The following CLUH variants were observed in gnomAD, a reference collection of about 807,000 sequenced individuals.
CLUH encodes the protein clustered mitochondria protein homolog.
Under a neutral mutation model 139.3 loss-of-function variants are expected in CLUH, and 77 were observed. That is an observed-to-expected ratio of 0.55 (90% CI 0.46 to 0.67). The LOEUF is 0.67. Ranked by LOEUF, CLUH falls within the 30% of genes least tolerant of loss-of-function variation. The pLI is 0.00. For synonymous variants in CLUH, 999 were observed against 801.6 expected (o/e 1.25, Z -4.16); for missense variants, 1,876 against 1,875.8 (o/e 1.00, Z 0.00).
At chr17:2,705,282 C>T (rs1311416108) in intron 1 of CLUH, among the ~76,000 whole-genome samples, 2 of 152,182 alleles carry the variant, frequency 1.3e-5, no homozygotes, top group African/African-American at 4.8e-5. Context: ...CCGGCCTCTG[C>T]AGCCACTGCC....
At chr17:2,708,611 A>G (rs896215753) in intron 1 of CLUH, among the ~76,000 whole-genome samples, 1 of 151,938 alleles carries the variant, frequency 6.6e-6, no homozygotes, top group African/African-American at 2.4e-5. Flanking sequence ...ATTTGGGATT[A>G]AGTTTAAAAA....
At position 2,691,938 on chromosome 17, in the gene CLUH, CGG is replaced by C. The variant is rs1491542541; in HGVS notation, c.3655-45_3655-44del. 3.7e-4 allele frequency: 399 copies of C among 1,066,020 alleles called. 9 individuals carry two copies. Among genetic ancestry groups the C allele is most frequent in the South Asian group, 1.3e-3 (50 of 37,668 alleles). The allele number at this position is 1,066,020 out of a possible 1,614,324, so 66.0% of individuals were successfully genotyped here. A position where few individuals can be genotyped will look rare whatever the true frequency, so the allele number is the denominator to read the frequency against. On this transcript the variant is annotated intron_variant, in intron 23 of 25. Transcript: ENST00000651024. ...GGGATCAGGCCCCCCCGTGCCCCCGCGGCCCCGCCCCCGCCCCGCCACGCCCC... is the reference window on the plus strand; with the variant it reads ...GGGATCAGGCCCCCCCGTGCCCCCGCCCCCGCCCCCGCCCCGCCACGCCCC...
intron 1 of CLUH, among the ~76,000 whole-genome samples, chr17:2,709,796 C>T (rs1468177969): frequency 6.6e-6 from 1 of 152,046 alleles, no homozygotes; most frequent in African/African-American, 2.4e-5. Flanking sequence ...CATTAAGGCT[C>T]CTTCCTTCTT....
At chr17:2,693,451 T>C (rs1567579457) in intron 19 of CLUH, among the ~76,000 whole-genome samples, 2 of 151,908 alleles carry the variant, frequency 1.3e-5, no homozygotes, top group Non-Finnish European at 1.5e-5. Context: ...GAAAAAACAG[T>C]CCCTTTGCAG....
Position 2,698,301 on chromosome 17 carries a change from C to G in CLUH, c.1556G>C (p.Arg519Pro), listed in dbSNP as rs1487328493. ...GTVVVDYRGY[R>P]VTAQSIIPGI... ...GGGGATGATGGACTGGGCCGTGACC[C>G]GGTAGCCGCGGTAATCCACCACCAC... The change falls in exon 10 of 26, where the codon CGG becomes CCG. Residue 519 changes from arginine (R) to proline (P), a missense_variant. Physicochemically the swap from Arg to Pro is moderately radical, Grantham distance 103. This residue lies in a region of CLUH where 1,454 missense variants were observed against 1,384.4 expected (regional missense o/e 1.05). Transcript: ENST00000651024. 6.2e-7 allele frequency: 1 copy of G among 1,612,162 alleles called. No individual in the cohort carries two copies. The highest frequency in any genetic ancestry group is 8.5e-7 in the Non-Finnish European group (1 of 1,179,572).
chr17:2,695,552 C>A, intron 13 of CLUH, 26 bp from the exon 14 acceptor site: 1 of 1,561,376 alleles, frequency 6.4e-7, no homozygotes, highest in East Asian at 2.3e-5. Flanking sequence ...GCTCAGGCCC[C>A]CACCCAGCTC....
Position 2,697,914 on chromosome 17 carries a change from TCCA to T in CLUH, c.1940_1942del (p.Val647del). 1 of 1,519,548 alleles carries T rather than the reference TCCA, an allele frequency of 6.6e-7. No homozygotes were observed. Among genetic ancestry groups the T allele is most frequent in the Non-Finnish European group, 8.8e-7 (1 of 1,134,970 alleles). The allele number at this position is 1,519,548 out of a possible 1,614,324, so 94.1% of individuals were successfully genotyped here. ...CCCTCACCTGTGCTCCACGAAGGCG[TCCA>T]CCAGCTCCTGGCGCAGGCAGCAGAG... On this transcript the variant is annotated inframe_deletion, in exon 10 of 26. Coordinates refer to ENST00000651024, the MANE Select transcript of CLUH (RefSeq NM_001366661.1).
Position 2,694,478 on chromosome 17 carries a change from A to C in CLUH, c.2937+2T>G, listed in dbSNP as rs1310766687. 6.4e-7 allele frequency: 1 copy of C among 1,573,766 alleles called. No individual in the cohort carries two copies. The highest frequency in any genetic ancestry group is 1.2e-5 in the South Asian group (1 of 85,496). On this transcript the variant is annotated splice_donor_variant, in intron 17 of 25. Transcript: ENST00000651024. LOFTEE classifies it high-confidence loss of function. ...AGCGGGGATGCTGTGAGCCATGCCC[A>C]CCTGGATCCCTGTTTTCAGCGAGAT...
In CLUH at chr17:2,699,934, ATTT is replaced by A. The variant is rs537348714; in HGVS notation, c.1266+445_1266+447del. ...CATGAGCTACTGAAGCCGGCCTGAG[ATTT>A]TTTTTTTCTTAAGCAACTGCTTTTC... On this transcript the variant is annotated intron_variant, in intron 9 of 25. Coordinates refer to ENST00000651024, the MANE Select transcript of CLUH (RefSeq NM_001366661.1). 7.3e-3 allele frequency among the ~76,000 whole-genome samples: 1,098 copies of A among 151,018 alleles called. 5 individuals are homozygous for A. The highest frequency in any genetic ancestry group is 0.012 in the Non-Finnish European group (786 of 67,672).
Position 2,690,366 on chromosome 17 carries a change from C to A in CLUH, c.*228G>T. On this transcript the variant is annotated 3_prime_UTR_variant, in exon 26 of 26. Coordinates refer to ENST00000651024, the MANE Select transcript of CLUH (RefSeq NM_001366661.1). ...GGAACTGATGGCCGCACACGCCATT[C>A]ACGTGTCTCCAATGGGGCCTCTGCA... The A allele has an allele frequency of 4.6e-6, 2 of 435,044 alleles. No homozygotes were observed. Among genetic ancestry groups the A allele is most frequent in the Non-Finnish European group, 8.1e-6 (2 of 248,438 alleles). The allele number at this position is 435,044 out of a possible 1,614,324, so 26.9% of individuals were successfully genotyped here.
chr17:2,700,775 C>A lies in CLUH; in HGVS notation c.1076G>T (p.Ser359Ile). Residue 359 changes from serine (S) to isoleucine (I), a missense_variant, in exon 8 of 26, where the codon AGC becomes ATC. Coordinates refer to ENST00000651024, the MANE Select transcript of CLUH (RefSeq NM_001366661.1). ...ERIATPFQVY[S>I]WTAPQAEHAM... is the part of the protein sequence containing the mutation. ...ATGCTCCGCCTGGGGGGCTGTCCAG[C>A]TGTACACCTGGAATGGGGTGGCGAT... 1 of 1,540,368 alleles carries A rather than the reference C, an allele frequency of 6.5e-7. No individual in the cohort carries two copies. Among genetic ancestry groups the A allele is most frequent in the South Asian group, 1.3e-5 (1 of 77,798 alleles).
At chr17:2,710,989 C>G (rs1378025445) in intron 1 of CLUH, 1 of 152,506 alleles carries the variant, frequency 6.6e-6, no homozygotes, top group Non-Finnish European at 1.5e-5. Flanking sequence ...GCCTGAAGAC[C>G]TGCGGTTATA....
At position 2,703,286 on chromosome 17, in the gene CLUH, C is replaced by T. The variant is rs1433264394; in HGVS notation, c.475+32G>A. 1 of 1,588,884 alleles carries T rather than the reference C, an allele frequency of 6.3e-7. No individual in the cohort carries two copies. The highest frequency in any genetic ancestry group is 8.6e-7 in the Non-Finnish European group (1 of 1,167,388). On this transcript the variant is annotated intron_variant, in intron 3 of 25. Coordinates refer to ENST00000651024, the MANE Select transcript of CLUH (RefSeq NM_001366661.1). The surrounding 1 kb of genome is among the most constrained non-coding windows in gnomAD (Gnocchi z 4.2). ...CCTGCCTCTGCCTCCGTGGGCCCTC[C>T]CCCGGGCAGGCTGTCCAACTTCCAG...
In CLUH at chr17:2,690,336, A is replaced by C; in HGVS notation, c.*258T>G. 2.5e-6 allele frequency: 1 copy of C among 404,388 alleles called. No individual in the cohort carries two copies. Among genetic ancestry groups the C allele is most frequent in the East Asian group, 3.7e-5 (1 of 26,852 alleles). The allele number at this position is 404,388 out of a possible 1,614,324, so 25.0% of individuals were successfully genotyped here. ...GGGGCCGAAGCAACACCTGCCCCCC[A>C]GCCGGGAACTGATGGCCGCACACGC... On this transcript the variant is annotated 3_prime_UTR_variant, in exon 26 of 26. Transcript: ENST00000651024.
At position 2,704,347 on chromosome 17, in the gene CLUH, G is replaced by A. The variant is rs370709948; in HGVS notation, c.303+15C>T. 814 of 1,605,756 alleles carry A rather than the reference G, an allele frequency of 5.1e-4. No homozygotes were observed. Among genetic ancestry groups the A allele is most frequent in the Non-Finnish European group, 6.3e-4 (741 of 1,176,114 alleles). ...GGCTCAGGCCTGGCCCCCAGCACCC[G>A]TTCCTCCATCTTACCTGCAGGGAGA... On this transcript the variant is annotated intron_variant, in intron 2 of 25. Transcript: ENST00000651024. The surrounding 1 kb of genome is among the most constrained non-coding windows in gnomAD (Gnocchi z 5.7).
rs2069839650 is a variant in CLUH at position 2,694,347 on chromosome 17, C to T, written c.2938-71G>A. ...AGCGGGTTGGCACCTCCCAACCCAC[C>T]AACGCTTGCGCACAGACGGCTACCG... On this transcript the variant is annotated intron_variant, in intron 17 of 25. Transcript: ENST00000651024. 4 of 1,528,162 alleles carry T rather than the reference C, an allele frequency of 2.6e-6. No homozygotes were observed. In the South Asian group the frequency reaches 3.8e-5, roughly 14 times the overall value. 94.7% of individuals were successfully genotyped at this position (1,528,162 alleles called of 1,614,324 possible).
intron 16 of CLUH, 35 bp downstream of exon 16, chr17:2,694,822 T>TACCCCCCCCCCC: frequency 1.0e-5 from 14 of 1,346,336 alleles, no homozygotes; most frequent in Non-Finnish European, 1.2e-5. Flanking sequence ...ATCTGCCCAA[T>TACCCCCCCCCCC]CCCACCCACC....
At position 2,690,025 on chromosome 17, in the gene CLUH, A is replaced by G. The variant is rs1449547781; in HGVS notation, c.*569T>C. On this transcript the variant is annotated 3_prime_UTR_variant, in exon 26 of 26. Transcript: ENST00000651024. ...GGCGGCTCCCGTCCCGCCCCAAACT[A>G]AAGTGCACCCCAGCCCTCCAGCCCC... 2 of 152,070 alleles carry G rather than the reference A, an allele frequency of 1.3e-5. No individual in the cohort carries two copies. Among genetic ancestry groups the G allele is most frequent in the African/African-American group, 2.4e-5 (1 of 41,284 alleles). The allele number at this position is 152,070 out of a possible 1,614,324, so 9.4% of individuals were successfully genotyped here.
intron 19 of CLUH, 62 bp downstream of exon 19, chr17:2,693,837 GC>G: frequency 6.5e-7 from 1 of 1,537,932 alleles, no homozygotes; most frequent in Non-Finnish European, 8.8e-7. Flanking sequence ...TCCGTCAGGG[GC>G]CCCCTCACTC....
Sources: allele counts gnomAD v4.1 joint callset (sites outside exome capture counted in the v4.1 genomes callset), GRCh38; gene constraint gnomAD v4.1.1; regional missense constraint gnomAD v4.1.1; non-coding constraint Gnocchi (gnomAD v3.1); transcripts MANE v1.5; gene names NCBI Gene and HGNC (gene_info 2026-07-23, HGNC 2026-07-21).